SHISA7: variants seen among roughly 807,000 people sequenced by gnomAD.
SHISA7 encodes the protein protein shisa-7.
SHISA7 carries 6 observed loss-of-function variants against 23.9 expected under a neutral mutation model. The observed-to-expected ratio is 0.25, with a 90% CI of 0.14 to 0.50. SHISA7 has a LOEUF of 0.50. SHISA7 is among the 20% of genes least tolerant of loss of function. The pLI is 0.98. For synonymous variants in SHISA7, 386 were observed against 398.3 expected (o/e 0.97, Z 0.37); for missense variants, 671 against 801.1 (o/e 0.84, Z 1.96).
intron 2 of SHISA7, chr19:55,438,646 A>C: frequency 7.7e-7 from 1 of 1,303,646 alleles, no homozygotes; most frequent in Non-Finnish European, 1.0e-6. Context: ...CCGAGAAGGG[A>C]GATGATGTCA....
intron 3 of SHISA7, among the ~76,000 whole-genome samples, chr19:55,434,856 T>C (rs1351409505): frequency 1.1e-5 from 1 of 90,964 alleles, no homozygotes; most frequent in African/African-American, 4.7e-5. Context: ...TGTGCGTGTG[T>C]GTATATGTGG....
At position 55,442,873 on chromosome 19, in the gene SHISA7, A is replaced by T; in HGVS notation, c.-10T>A. ...GCAGGAGGGCCGGCATGGGGCTTGCAGGGGGTCGCACTGGGCCGCCAGGCT... is the reference window on the plus strand; with the variant it reads ...GCAGGAGGGCCGGCATGGGGCTTGCTGGGGGTCGCACTGGGCCGCCAGGCT... On this transcript the variant is annotated 5_prime_UTR_variant, in exon 1 of 4. Transcript: ENST00000376325. 7.4e-7 allele frequency: 1 copy of T among 1,342,940 alleles called. No individual in the cohort carries two copies. The highest frequency in any genetic ancestry group is 1.7e-5 in the South Asian group (1 of 57,994). The allele number at this position is 1,342,940 out of a possible 1,614,324, so 83.2% of individuals were successfully genotyped here. A position where few individuals can be genotyped will look rare whatever the true frequency, so the allele number is the denominator to read the frequency against.
chr19:55,434,646 G>C (rs1479270436), intron 3 of SHISA7, among the ~76,000 whole-genome samples: 2 of 79,570 alleles, frequency 2.5e-5, no homozygotes, highest in African/African-American at 8.2e-5. Flanking sequence ...GTGGTTGTGT[G>C]TATGGTGTGT....
At chr19:55,442,019 C>A (rs1487124832) in intron 1 of SHISA7, among the ~76,000 whole-genome samples, 174 bp downstream of exon 1, 1 of 152,234 alleles carries the variant, frequency 6.6e-6, no homozygotes, top group African/African-American at 2.4e-5. Flanking sequence ...ACAGCCGGGC[C>A]GGCTCTGGCG....
chr19:55,439,319 C>T (rs1985540811), intron 2 of SHISA7, among the ~76,000 whole-genome samples: 1 of 152,222 alleles, frequency 6.6e-6, no homozygotes, highest in South Asian at 2.1e-4. Flanking sequence ...CAAGATCCAG[C>T]TCAGATGTCT....
intron 1 of SHISA7, among the ~76,000 whole-genome samples, chr19:55,441,073 G>T (rs987803645): frequency 6.6e-6 from 1 of 152,092 alleles, no homozygotes; most frequent in South Asian, 2.1e-4. Flanking sequence ...TCCTTTTGCA[G>T]CCTTCCCCAT....
chr19:55,439,124 G>C (rs931250878), intron 2 of SHISA7, among the ~76,000 whole-genome samples: 11 of 152,120 alleles, frequency 7.2e-5, no homozygotes, highest in Non-Finnish European at 1.5e-4. Flanking sequence ...GGACAAAGTT[G>C]AACCCAGGAA....
chr19:55,437,613 T>C lies in SHISA7; in HGVS notation c.968A>G (p.Lys323Arg). ...CCCTTGCCAGGACTCACCCAGCCTC[T>C]TGAGGGAAGAGTAGCGGTTCAGCTC... The part of the protein sequence containing the change: ...KSELNRYSSL[K>R]RLAEKDLDEA... Residue 323 changes from lysine (K) to arginine (R), a missense_variant, in exon 3 of 4, where the codon AAG becomes AGG. Physicochemically the swap from Lys to Arg is conservative, Grantham distance 26 (BLOSUM62 2). Transcript: ENST00000376325. 5 of 1,550,822 alleles carry C rather than the reference T, an allele frequency of 3.2e-6. No individual in the cohort carries two copies. Among genetic ancestry groups the C allele is most frequent in the Non-Finnish European group, 4.4e-6 (5 of 1,146,544 alleles).
intron 3 of SHISA7, among the ~76,000 whole-genome samples, chr19:55,434,618 C>CGT (rs201854845): frequency 3.9e-4 from 10 of 25,780 alleles, no homozygotes; most frequent in African/African-American, 1.5e-3. Flanking sequence ...TGTGGTATGG[C>CGT]GTGTGTGTGT....
At chr19:55,437,843 A>G in intron 2 of SHISA7, 89 bp from the exon 3 acceptor site, 1 of 1,431,834 alleles carries the variant, frequency 7.0e-7, no homozygotes, top group Non-Finnish European at 9.2e-7. Context: ...CATCAGACCC[A>G]GGAGTCCAGA....
intron 1 of SHISA7, 128 bp downstream of exon 1, chr19:55,442,065 C>G (rs1050129141): frequency 4.6e-5 from 44 of 959,408 alleles, no homozygotes; most frequent in Non-Finnish European, 6.1e-5. Flanking sequence ...TCAGCTACGC[C>G]GGCGGCCGCC....
In SHISA7 at chr19:55,432,957, G is replaced by T; in HGVS notation, c.*199C>A. 2 of 634,416 alleles carry T rather than the reference G, an allele frequency of 3.2e-6. No individual in the cohort carries two copies. The highest frequency in any genetic ancestry group is 2.5e-6 in the Non-Finnish European group (1 of 398,022). 39.3% of individuals were successfully genotyped at this position (634,416 alleles called of 1,614,324 possible). A position where few individuals can be genotyped will look rare whatever the true frequency, so the allele number is the denominator to read the frequency against. On this transcript the variant is annotated 3_prime_UTR_variant, in exon 4 of 4. Transcript: ENST00000376325. This position sits in a 1 kb window ranked among gnomAD's most constrained non-coding sequence, Gnocchi z 4.6. ...GCCTCTTCCTCTGGGATGACATCAT[G>T]GGAAGGAGGCCTTGGCTCAAGCAGT... is the stretch of plus-strand genomic sequence containing the variant.
In SHISA7 at chr19:55,431,345, T is replaced by C. The variant is rs1474364193; in HGVS notation, c.*1811A>G. Reference sequence around the variant, plus strand: ...CAGTAGAGGATGTCTCTGTCAGGTGTAGTGGATTCTGGAAGGTAATGTCAT... The same window carrying C: ...CAGTAGAGGATGTCTCTGTCAGGTGCAGTGGATTCTGGAAGGTAATGTCAT... On this transcript the variant is annotated 3_prime_UTR_variant, in exon 4 of 4. Transcript: ENST00000376325. 1 of 152,074 alleles carries C rather than the reference T, an allele frequency of 6.6e-6. No individual in the cohort carries two copies. Among genetic ancestry groups the C allele is most frequent in the Admixed American group, 6.5e-5 (1 of 15,270 alleles). 9.4% of individuals were successfully genotyped at this position (152,074 alleles called of 1,614,324 possible).
intron 2 of SHISA7, among the ~76,000 whole-genome samples, 187 bp downstream of exon 2, chr19:55,440,418 AGGGTCT>A (rs1985567980): frequency 1.3e-5 from 2 of 152,214 alleles, no homozygotes; most frequent in Non-Finnish European, 2.9e-5. Flanking sequence ...GGGCAAGGAG[AGGGTCT>A]GGCTCTCTAC....
At chr19:55,435,073 TGTGTGTG>T (rs1985396437) in intron 3 of SHISA7, among the ~76,000 whole-genome samples, 7 of 34,678 alleles carry the variant, frequency 2.0e-4, no homozygotes, top group Non-Finnish European at 2.4e-4. Flanking sequence ...GTGTGTATGG[TGTGTGTG>T]GTGTGTGTGG....
In SHISA7 at chr19:55,433,162, A is replaced by G. The variant is rs1360045708; in HGVS notation, c.1611T>C (p.Thr537=). The G allele has an allele frequency of 5.3e-6, 8 of 1,521,868 alleles. No individual in the cohort carries two copies. The highest frequency in any genetic ancestry group is 2.0e-5 in the Admixed American group (1 of 50,206). The allele number at this position is 1,521,868 out of a possible 1,614,324, so 94.3% of individuals were successfully genotyped here. Residue 537 remains threonine, a synonymous_variant, in exon 4 of 4, where the codon ACT becomes ACC. Transcript: ENST00000376325. This position sits in a 1 kb window ranked among gnomAD's most constrained non-coding sequence, Gnocchi z 8.4. Reference sequence around the variant, plus strand: ...CCCAGACCCGGCCCTGGCCTCAGACAGTCACCTCGTTCTTGCTGGCCGTGC... The same window carrying G: ...CCCAGACCCGGCCCTGGCCTCAGACGGTCACCTCGTTCTTGCTGGCCGTGC... The part of the protein sequence containing the change: ...HLRTASKNEV[T]V
chr19:55,434,896 G>GTGTGGTGTGTGTGTATA (rs1241994262), intron 3 of SHISA7, among the ~76,000 whole-genome samples: 66 of 118,200 alleles, frequency 5.6e-4, no homozygotes, highest in Non-Finnish European at 9.0e-4. Context: ...TATGTGGTGT[G>GTGTGGTGTGTGTGTATA]TGTGGTGTGT....
chr19:55,435,003 GT>G (rs1207059863), intron 3 of SHISA7, among the ~76,000 whole-genome samples: 1 of 123,094 alleles, frequency 8.1e-6, no homozygotes, highest in South Asian at 2.9e-4. Context: ...TGTGTGTGTG[GT>G]GTATATGTGG....
chr19:55,437,521 T>G, intron 3 of SHISA7, 84 bp downstream of exon 3: 1 of 1,448,148 alleles, frequency 6.9e-7, no homozygotes, highest in Non-Finnish European at 9.2e-7. Flanking sequence ...TGGAAGGCTC[T>G]TGGGCCACTG....
Sources: gnomAD v4.1 joint callset for allele counts (sites outside exome capture counted in the v4.1 genomes callset) on GRCh38, gnomAD v4.1.1 for gene constraint, Gnocchi (gnomAD v3.1) non-coding constraint, MANE v1.5 for transcripts, NCBI Gene and HGNC (gene_info 2026-07-23, HGNC 2026-07-21) for gene names.